TCP11L2: variants seen among roughly 807,000 people sequenced by gnomAD.
The protein encoded by TCP11L2 is t-complex 11 like 2.
TCP11L2 carries 39 observed loss-of-function variants against 50.7 expected under a neutral mutation model. That is an observed-to-expected ratio of 0.77 (90% CI 0.60 to 1.01). The LOEUF (loss-of-function observed/expected upper bound fraction) is 1.01. Among genes scored for constraint, TCP11L2 ranks in the 50% least tolerant of loss-of-function variants. The pLI is 0.00. For synonymous variants in TCP11L2, 192 were observed against 219.3 expected (o/e 0.88, Z 1.10); for missense variants, 612 against 614.7 (o/e 1.00, Z 0.05).
intron 4 of TCP11L2, among the ~76,000 whole-genome samples, chr12:106,321,144 T>TTA (rs2035320347): frequency 6.6e-6 from 1 of 152,234 alleles, no homozygotes; most frequent in African/African-American, 2.4e-5. Flanking sequence ...TTTCATTATA[T>TTA]ATCATTTCAC....
chr12:106,327,776 A>C (rs2035609834), intron 6 of TCP11L2, among the ~76,000 whole-genome samples: 1 of 152,232 alleles, frequency 6.6e-6, no homozygotes, highest in South Asian at 2.1e-4. Flanking sequence ...AAATTAATAC[A>C]GAGAAGTACT....
At chr12:106,330,802 C>T (rs768869096) in intron 6 of TCP11L2, among the ~76,000 whole-genome samples, 8 of 152,108 alleles carry the variant, frequency 5.3e-5, no homozygotes, top group Non-Finnish European at 1.0e-4. Flanking sequence ...CTTGCAGAAG[C>T]GAGCCCTTGC....
At chr12:106,330,997 A>T (rs1455131637) in intron 6 of TCP11L2, among the ~76,000 whole-genome samples, 2 of 152,226 alleles carry the variant, frequency 1.3e-5, no homozygotes, top group Non-Finnish European at 2.9e-5. Context: ...CATATTTTTT[A>T]TCCAGAAGAA....
rs1197624174 is a variant in TCP11L2, at chr12:106,309,685, T to A, written c.-35-1356T>A. Among the ~76,000 whole-genome samples, 3 of 151,602 alleles carry A rather than the reference T, an allele frequency of 2.0e-5. No individual in the cohort carries two copies. The East Asian group carries it at 5.8e-4, about 29-fold the overall frequency. On this transcript the variant is annotated intron_variant, in intron 1 of 9. Transcript: ENST00000299045. The stretch of plus-strand genomic sequence containing the variant: ...TTTCTTGTGTTTTCTCAACAATGCC[T>A]TATTCCCCCTTTTCCCATCTAGTAG...
chr12:106,303,463 T>C (rs2034504121), intron 1 of TCP11L2: 1 of 152,416 alleles, frequency 6.6e-6, no homozygotes, highest in South Asian at 2.1e-4. Flanking sequence ...AACCTGGTGC[T>C]GCTGGAGGGG....
intron 6 of TCP11L2, among the ~76,000 whole-genome samples, chr12:106,326,168 C>T (rs991832598): frequency 6.6e-6 from 1 of 152,036 alleles, no homozygotes; most frequent in African/African-American, 2.4e-5. Context: ...TGGTTTCTGC[C>T]GAGATAATCA....
chr12:106,318,328 C>G lies in TCP11L2; in HGVS notation c.294-16C>G, dbSNP rs765882865. On this transcript the variant is annotated splice_polypyrimidine_tract_variant and intron_variant, in intron 3 of 9. Transcript: ENST00000299045. ...GTTATGCTTATTTTAAAAAACAATT[C>G]ATTTTATTGCCATAGTTTGGCTGGT... 3.7e-6 allele frequency: 6 copies of G among 1,606,164 alleles called. No homozygotes were observed. In the African/African-American group the frequency reaches 8.0e-5, roughly 22 times the overall value.
chr12:106,345,762 G>T (rs1361491741), intron 9 of TCP11L2, among the ~76,000 whole-genome samples: 1 of 152,152 alleles, frequency 6.6e-6, no homozygotes, highest in Non-Finnish European at 1.5e-5. Context: ...CGACCGGGTG[G>T]CTCTTTTGGT....
At chr12:106,329,969 C>G in intron 6 of TCP11L2, 1 of 985,590 alleles carries the variant, frequency 1.0e-6, no homozygotes, top group Non-Finnish European at 1.2e-6. Context: ...TATCCCTGCT[C>G]AAGTGCTGGG....
chr12:106,302,406 CAG>C (rs530616491), upstream of TCP11L2, among the ~76,000 whole-genome samples: 164 of 53,172 alleles, frequency 3.1e-3, 32 homozygotes, highest in African/African-American at 0.017. Context: ...AGCCCCCGCT[CAG>C]CCCCCGCTCC....
chr12:106,335,962 A>T (rs1439300505), intron 7 of TCP11L2, 70 bp from the exon 8 acceptor site: 1 of 1,501,408 alleles, frequency 6.7e-7, no homozygotes, highest in South Asian at 1.3e-5. Flanking sequence ...TGGAAATGAC[A>T]TTGCCTGTTT....
At chr12:106,341,562 C>G (rs2036095260) in intron 9 of TCP11L2, among the ~76,000 whole-genome samples, 1 of 152,180 alleles carries the variant, frequency 6.6e-6, no homozygotes, top group African/African-American at 2.4e-5. Flanking sequence ...CTAGCTTAAA[C>G]AAAATGATCA....
chr12:106,315,582 G>GTGCT (rs2035045396), intron 3 of TCP11L2, among the ~76,000 whole-genome samples: 3 of 152,182 alleles, frequency 2.0e-5, no homozygotes, highest in Non-Finnish European at 4.4e-5. Context: ...ATTGATTTAT[G>GTGCT]GAAAACTGAT....
chr12:106,340,771 A>G, intron 8 of TCP11L2, 55 bp from the exon 9 acceptor site: 1 of 1,459,410 alleles, frequency 6.9e-7, no homozygotes, highest in African/African-American at 1.4e-5. Context: ...TATTAAAAAT[A>G]ATAACTTGAT....
chr12:106,315,684 T>C (rs1393767715), intron 3 of TCP11L2, among the ~76,000 whole-genome samples: 1 of 152,144 alleles, frequency 6.6e-6, no homozygotes, highest in East Asian at 1.9e-4. Context: ...GAATCACAGC[T>C]GCAAGAGGCA....
chr12:106,305,612 T>C (rs2034596118), intron 1 of TCP11L2, among the ~76,000 whole-genome samples: 1 of 152,138 alleles, frequency 6.6e-6, no homozygotes. Flanking sequence ...GAGTGTGGCG[T>C]AATTAGTTCA....
chr12:106,321,458 C>A, intron 4 of TCP11L2, 28 bp from the exon 5 acceptor site: 1 of 1,560,280 alleles, frequency 6.4e-7, no homozygotes, highest in African/African-American at 1.4e-5. Flanking sequence ...CATCATGATG[C>A]TGTTAATTTT....
At chr12:106,341,387 A>G (rs1206723078) in intron 9 of TCP11L2, among the ~76,000 whole-genome samples, 1 of 152,224 alleles carries the variant, frequency 6.6e-6, no homozygotes. Flanking sequence ...GACAAAGACT[A>G]AAAATGTGTG....
intron 9 of TCP11L2, 86 bp from the exon 10 acceptor site, chr12:106,346,200 C>T (rs1169828927): frequency 2.2e-6 from 3 of 1,359,780 alleles, no homozygotes; most frequent in Non-Finnish European, 3.0e-6. Context: ...TTATTGCAGT[C>T]AACCTACTAC....
Sources: allele counts gnomAD v4.1 joint callset (sites outside exome capture counted in the v4.1 genomes callset), GRCh38; gene constraint gnomAD v4.1.1; transcripts MANE v1.5; gene names NCBI Gene and HGNC (gene_info 2026-07-23, HGNC 2026-07-21).